SV2B: variants seen among roughly 807,000 people sequenced by gnomAD.
SV2B encodes solute carrier family 22 member B2.
Under a neutral mutation model 73.9 loss-of-function variants are expected in SV2B, and 41 were observed. The ratio of observed to expected loss-of-function variants is 0.56; its 90% CI spans 0.43 to 0.72. The LOEUF (loss-of-function observed/expected upper bound fraction) is 0.72, where lower values mean the gene tolerates loss of function less well. SV2B is among the 30% of genes least tolerant of loss of function. The probability of loss-of-function intolerance (pLI) is 0.00; values close to 1 mark genes in which losing one functional copy is unlikely to be tolerated. For synonymous variants in SV2B, 314 were observed against 314.2 expected, an observed-to-expected ratio of 1.00 and a Z score of 0.01; for missense variants, 764 against 857.8, an observed-to-expected ratio of 0.89 and a Z score of 1.37.
intron 6 of SV2B, among the ~76,000 whole-genome samples, chr15:91,263,715 C>T (rs539689916): frequency 2.6e-5 from 4 of 152,216 alleles, no homozygotes; most frequent in Non-Finnish European, 5.9e-5. Context: ...GACAGACACA[C>T]AGACACAGAC....
intron 1 of SV2B, among the ~76,000 whole-genome samples, chr15:91,204,517 G>A (rs2045566747): frequency 1.3e-5 from 2 of 149,738 alleles, no homozygotes; most frequent in Non-Finnish European, 1.5e-5. Flanking sequence ...ACATCCACCA[G>A]TGCTTATCTG....
Position 91,295,956 on chromosome 15 carries a change from C to T in SV2B, c.*3404C>T, listed in dbSNP as rs7170254. On this transcript the variant is annotated 3_prime_UTR_variant, in exon 13 of 13. Coordinates refer to ENST00000394232, the MANE Select transcript of SV2B (RefSeq NM_001323032.3). ...GTACGATGACCTTACAATCCGCAAA[C>T]TGCACCTTTCATGTGTAAAAGGATT... 2 of 152,178 alleles carry T rather than the reference C, an allele frequency of 1.3e-5. No homozygotes were observed. 9.4% of individuals were successfully genotyped at this position (152,178 alleles called of 1,614,324 possible). A position where few individuals can be genotyped will look rare whatever the true frequency, so the allele number is the denominator to read the frequency against.
At chr15:91,221,663 C>T (rs1162925087) in intron 1 of SV2B, among the ~76,000 whole-genome samples, 3 of 141,376 alleles carry the variant, frequency 2.1e-5, no homozygotes, top group Non-Finnish European at 4.5e-5. Flanking sequence ...CAGGCCTCAC[C>T]TCACCTGTGG....
chr15:91,292,294 G>A, intron 12 of SV2B, 75 bp from the exon 13 acceptor site: 1 of 1,454,812 alleles, frequency 6.9e-7, no homozygotes, highest in South Asian at 1.4e-5. Flanking sequence ...CCTGCAATAA[G>A]GAAAAGAAAG....
intron 1 of SV2B, among the ~76,000 whole-genome samples, chr15:91,187,119 G>T (rs147889430): frequency 2.6e-5 from 4 of 152,124 alleles, no homozygotes; most frequent in Non-Finnish European, 5.9e-5. Flanking sequence ...AACATTTCAC[G>T]GGTGTTCATT....
chr15:91,148,300 G>T (rs2043207789), intron 1 of SV2B, among the ~76,000 whole-genome samples: 1 of 152,034 alleles, frequency 6.6e-6, no homozygotes, highest in African/African-American at 2.4e-5. Flanking sequence ...AACAAGAAAT[G>T]AAGTAGCATT....
chr15:91,158,633 CCTCTT>C (rs368190783), intron 1 of SV2B, among the ~76,000 whole-genome samples: 2,113 of 54,206 alleles, frequency 0.039, 97 homozygotes, highest in South Asian at 0.094. Context: ...TTTTATTTTC[CCTCTT>C]CTCTTCTCTT....
Position 91,136,948 on chromosome 15 carries a change from G to A in SV2B, c.-392+36585G>A, listed in dbSNP as rs1249480853. ...TTGACCGGGATTTTGGCAGATGAAG[G>A]AAAAACTATCTGCTCCTGAATGAAA... On this transcript the variant is annotated intron_variant, in intron 1 of 12. Coordinates refer to ENST00000394232, the MANE Select transcript of SV2B (RefSeq NM_001323032.3). The surrounding 1 kb of genome is among the most constrained non-coding windows in gnomAD (Gnocchi z 5.6). Among the ~76,000 whole-genome samples the A allele has an allele frequency of 6.6e-6, 1 of 152,188 alleles. No homozygotes were observed. The highest frequency in any genetic ancestry group is 1.5e-5 in the Non-Finnish European group (1 of 68,038).
rs115492813 is a variant in SV2B at position 91,296,799 on chromosome 15, T to G, written c.*4247T>G. 1,529 of 122,408 alleles carry G rather than the reference T, an allele frequency of 0.012. 24 individuals carry two copies. Among genetic ancestry groups the G allele is most frequent in the African/African-American group, 0.041 (1,252 of 30,418 alleles). 7.6% of individuals were successfully genotyped at this position (122,408 alleles called of 1,614,324 possible). A position where few individuals can be genotyped will look rare whatever the true frequency, so the allele number is the denominator to read the frequency against. Reference sequence around the variant, plus strand: ...CACTCCTTCTGCCCAATCATTGGGCTCACGCTCCTTCTGCCCGATCGCTGG... The same window carrying G: ...CACTCCTTCTGCCCAATCATTGGGCGCACGCTCCTTCTGCCCGATCGCTGG... On this transcript the variant is annotated 3_prime_UTR_variant, in exon 13 of 13. Coordinates refer to ENST00000394232, the MANE Select transcript of SV2B (RefSeq NM_001323032.3).
At position 91,115,335 on chromosome 15, in the gene SV2B, G is replaced by T. The variant is rs969605327; in HGVS notation, c.-392+14972G>T. 4.6e-5 allele frequency among the ~76,000 whole-genome samples: 7 copies of T among 152,094 alleles called. No individual in the cohort carries two copies. Among genetic ancestry groups the T allele is most frequent in the African/African-American group, 1.7e-4 (7 of 41,404 alleles). ...AACACAGTGCTACCTTTGTTGGTGA[G>T]TGTTGACGACTTTGAAAGTGGGCTA... On this transcript the variant is annotated intron_variant, in intron 1 of 12. Coordinates refer to ENST00000394232, the MANE Select transcript of SV2B (RefSeq NM_001323032.3). The surrounding 1 kb of genome is among the most constrained non-coding windows in gnomAD (Gnocchi z 4.3).
Position 91,239,976 on chromosome 15 carries a change from G to T in SV2B, c.452-11843G>T, listed in dbSNP as rs1278816883. 6.6e-6 allele frequency among the ~76,000 whole-genome samples: 1 copy of T among 152,220 alleles called. No homozygotes were observed. The highest frequency in any genetic ancestry group is 2.4e-5 in the African/African-American group (1 of 41,456). On this transcript the variant is annotated intron_variant, in intron 2 of 12. Coordinates refer to ENST00000394232, the MANE Select transcript of SV2B (RefSeq NM_001323032.3). This position sits in a 1 kb window ranked among gnomAD's most constrained non-coding sequence, Gnocchi z 5.1. Reference sequence around the variant, plus strand: ...GCTTGCCTGGATTAATCACTGGCAAGAAGAATTGGATGAAGAGGACCTTGT... The same window carrying T: ...GCTTGCCTGGATTAATCACTGGCAATAAGAATTGGATGAAGAGGACCTTGT...
At chr15:91,198,217 G>GA (rs2045322876) in intron 1 of SV2B, among the ~76,000 whole-genome samples, 1 of 152,132 alleles carries the variant, frequency 6.6e-6, no homozygotes, top group African/African-American at 2.4e-5. Context: ...GGAAGCCAAT[G>GA]TTAAGATTAG....
chr15:91,202,106 G>T (rs377471560), intron 1 of SV2B, among the ~76,000 whole-genome samples: 13 of 152,096 alleles, frequency 8.5e-5, no homozygotes, highest in African/African-American at 2.9e-4. Flanking sequence ...CCTATCATGA[G>T]ATCTCTCCTC....
At position 91,106,502 on chromosome 15, in the gene SV2B, G is replaced by A. The variant is rs549635329; in HGVS notation, c.-392+6139G>A. On this transcript the variant is annotated intron_variant, in intron 1 of 12. Coordinates refer to ENST00000394232, the MANE Select transcript of SV2B (RefSeq NM_001323032.3). This position sits in a 1 kb window ranked among gnomAD's most constrained non-coding sequence, Gnocchi z 4.4. ...GGTGGATTTTGAAGTGTAACTCCTT[G>A]AAGTTATTTCCTTTCTTTACAAGGT... Among the ~76,000 whole-genome samples the A allele has an allele frequency of 4.4e-4, 66 of 150,752 alleles. No homozygotes were observed. Among genetic ancestry groups the A allele is most frequent in the Non-Finnish European group, 4.6e-4 (31 of 67,670 alleles).
chr15:91,203,982 T>C (rs969165779), intron 1 of SV2B, among the ~76,000 whole-genome samples: 3 of 152,210 alleles, frequency 2.0e-5, no homozygotes, highest in Non-Finnish European at 4.4e-5. Context: ...TTTATGCAAA[T>C]GAAGGATTCA....
chr15:91,107,557 C>T (rs747517140), intron 1 of SV2B, among the ~76,000 whole-genome samples: 7 of 151,820 alleles, frequency 4.6e-5, no homozygotes, highest in Middle Eastern at 3.2e-3. Flanking sequence ...GTTATCTGCC[C>T]GCCTTGGCCT....
rs1297303331 is a variant in SV2B, at chr15:91,132,479, T to G, written c.-392+32116T>G. On this transcript the variant is annotated intron_variant, in intron 1 of 12. Coordinates refer to ENST00000394232, the MANE Select transcript of SV2B (RefSeq NM_001323032.3). The surrounding 1 kb of genome is among the most constrained non-coding windows in gnomAD (Gnocchi z 4.6). ...GACAGCAACCATTCAGAGGCTGGAG[T>G]GAAGTTACAAAGTTGCAAACGAAGA... Among the ~76,000 whole-genome samples the G allele has an allele frequency of 6.6e-6, 1 of 151,832 alleles. No homozygotes were observed. Among genetic ancestry groups the G allele is most frequent in the Non-Finnish European group, 1.5e-5 (1 of 67,952 alleles).
Position 91,226,467 on chromosome 15 carries a change from C to G in SV2B, c.204C>G (p.Pro68=). ...AGGCCAAGCAGGCCAAGATGGCGCC[C>G]TCCAGAATGGACAGCCTTCGGGGCC... The part of the protein sequence containing the change: ...DVKAKQAKMA[P]SRMDSLRGQT... Residue 68 remains proline, a synonymous_variant, in exon 2 of 13, where the codon CCC becomes CCG. Transcript: ENST00000394232. The G allele has an allele frequency of 3.1e-6, 5 of 1,614,184 alleles. No individual in the cohort carries two copies. Among genetic ancestry groups the G allele is most frequent in the Non-Finnish European group, 4.2e-6 (5 of 1,180,020 alleles).
intron 10 of SV2B, among the ~76,000 whole-genome samples, chr15:91,282,958 A>C (rs1465749836): frequency 5.9e-5 from 9 of 152,216 alleles, no homozygotes; most frequent in Non-Finnish European, 1.3e-4. Context: ...TCAAGTTTGA[A>C]TGATGCCTCC....
Sources: gnomAD v4.1 joint callset for allele counts (sites outside exome capture counted in the v4.1 genomes callset) on GRCh38, gnomAD v4.1.1 for gene constraint, Gnocchi (gnomAD v3.1) non-coding constraint, MANE v1.5 for transcripts, NCBI Gene and HGNC (gene_info 2026-07-23, HGNC 2026-07-21) for gene names.